Variants in LRMDA observed in about 807,000 individuals in gnomAD.
The protein encoded by LRMDA is leucine rich melanocyte differentiation associated.
LRMDA carries 18 observed loss-of-function variants against 29.8 expected under a neutral mutation model. The ratio of observed to expected loss-of-function variants is 0.60; its 90% CI spans 0.42 to 0.90. The LOEUF (loss-of-function observed/expected upper bound fraction) is 0.90, where lower values mean the gene tolerates loss of function less well. Among genes scored for constraint, LRMDA ranks in the 40% least tolerant of loss-of-function variants. LRMDA has a pLI of 0.00. For missense variants in LRMDA, 273 were observed against 273.9 expected, an observed-to-expected ratio of 1.00 and a Z score of 0.02; for synonymous variants, 125 against 109.4, an observed-to-expected ratio of 1.14 and a Z score of -0.89.
intron 2 of LRMDA, among the ~76,000 whole-genome samples, chr10:76,001,371 A>G (rs1188160503): frequency 6.6e-6 from 1 of 152,218 alleles, no homozygotes; most frequent in Admixed American, 6.5e-5. Context: ...TAGAAGCCCC[A>G]TCACACAGCG....
In LRMDA at chr10:75,695,400, T is replaced by G. The variant is rs117772230; in HGVS notation, c.131+256906T>G. Among the ~76,000 whole-genome samples the G allele has an allele frequency of 5.9e-3, 899 of 152,278 alleles. 43 individuals are homozygous for G. Among genetic ancestry groups the G allele is most frequent in the Admixed American group, 0.045 (684 of 15,296 alleles). On this transcript the variant is annotated intron_variant, in intron 2 of 6. Transcript: ENST00000611255. The stretch of plus-strand genomic sequence containing the variant: ...TTGTAGATTAAAAAAAACTAGTTTT[T>G]TTTTTGCTTCTTAAATCTCATATGC...
At chr10:76,481,593 A>C (rs1044138834) in intron 6 of LRMDA, among the ~76,000 whole-genome samples, 2 of 151,886 alleles carry the variant, frequency 1.3e-5, no homozygotes, top group African/African-American at 4.8e-5. Context: ...TGGTCTAACT[A>C]ATTGGGCAAA....
intron 2 of LRMDA, among the ~76,000 whole-genome samples, chr10:75,482,076 T>C (rs1844861527): frequency 1.3e-5 from 2 of 152,222 alleles, no homozygotes; most frequent in South Asian, 4.1e-4. Flanking sequence ...TCTCCCTCCC[T>C]GTATCTGTGC....
intron 2 of LRMDA, among the ~76,000 whole-genome samples, chr10:75,537,854 T>A (rs1839968919): frequency 6.6e-6 from 1 of 152,228 alleles, no homozygotes; most frequent in African/African-American, 2.4e-5. Flanking sequence ...GCTTTGTGCT[T>A]GTCCTGTGTG....
chr10:76,181,400 A>G (rs1339720799), intron 5 of LRMDA, among the ~76,000 whole-genome samples: 1 of 152,192 alleles, frequency 6.6e-6, no homozygotes, highest in East Asian at 1.9e-4. Flanking sequence ...TGAAGGTACC[A>G]ACCATGTTTG....
chr10:75,635,211 A>G (rs534149430), intron 2 of LRMDA, among the ~76,000 whole-genome samples: 1 of 152,156 alleles, frequency 6.6e-6, no homozygotes, highest in South Asian at 2.1e-4. Context: ...TAATTGATAA[A>G]TGACAGGCTG....
chr10:76,416,262 A>G (rs935213914), intron 6 of LRMDA, among the ~76,000 whole-genome samples: 18 of 152,144 alleles, frequency 1.2e-4, no homozygotes, highest in Non-Finnish European at 2.5e-4. Context: ...CTGTGGAGGG[A>G]AATGGAGTGC....
intron 2 of LRMDA, among the ~76,000 whole-genome samples, chr10:75,897,763 C>CT (rs1216160872): frequency 6.8e-6 from 1 of 147,624 alleles, no homozygotes; most frequent in Non-Finnish European, 1.5e-5. Flanking sequence ...CTCTTCTTGG[C>CT]TTATAGGATT....
At chr10:75,440,250 G>A (rs538985383) in intron 2 of LRMDA, among the ~76,000 whole-genome samples, 1 of 147,928 alleles carries the variant, frequency 6.8e-6, no homozygotes, top group African/African-American at 2.5e-5. Context: ...ATTTCGTAAG[G>A]GGGTGGCTGA....
chr10:76,023,208 A>G (rs1288838321), intron 2 of LRMDA, among the ~76,000 whole-genome samples: 1 of 152,102 alleles, frequency 6.6e-6, no homozygotes, highest in Admixed American at 6.6e-5. Context: ...CTCAGCCATT[A>G]TGCACATACA....
At chr10:75,432,943 T>C (rs1430425008) in intron 1 of LRMDA, among the ~76,000 whole-genome samples, 2 of 152,112 alleles carry the variant, frequency 1.3e-5, no homozygotes, top group Non-Finnish European at 2.9e-5. Context: ...CATTTAACAG[T>C]TTTGTTGCTC....
chr10:75,986,724 G>A (rs1369010768), intron 2 of LRMDA, among the ~76,000 whole-genome samples: 1 of 152,200 alleles, frequency 6.6e-6, no homozygotes, highest in East Asian at 1.9e-4. Context: ...TGTTTCCCCA[G>A]GCCTAGGCCA....
At chr10:75,769,769 G>T (rs188938590) in intron 2 of LRMDA, among the ~76,000 whole-genome samples, 1 of 152,168 alleles carries the variant, frequency 6.6e-6, no homozygotes, top group East Asian at 1.9e-4. Context: ...TTCTTGTCTT[G>T]TGTAGCCGCT....
chr10:75,711,755 A>G (rs933253088), intron 2 of LRMDA, among the ~76,000 whole-genome samples: 4 of 152,202 alleles, frequency 2.6e-5, no homozygotes, highest in Admixed American at 6.5e-5. Context: ...ATACTCAGGC[A>G]GAACACTGAA....
rs148744262 is a variant in LRMDA, at chr10:76,261,262, C to T, written c.517-63139C>T. Among the ~76,000 whole-genome samples, 1,153 of 151,480 alleles carry T rather than the reference C, an allele frequency of 7.6e-3. 31 individuals carry two copies. Among genetic ancestry groups the T allele is most frequent in the East Asian group, 0.062 (317 of 5,112 alleles). ...TTTTTTCTGTATTTTTTAGTAGAGA[C>T]GGGGTTTCACCATATTAGCCAGAAT... is the stretch of plus-strand genomic sequence containing the variant. On this transcript the variant is annotated intron_variant, in intron 5 of 6. Coordinates refer to ENST00000611255, the MANE Select transcript of LRMDA (RefSeq NM_001305581.2).
In LRMDA at chr10:76,557,519, C is replaced by A. The variant is rs1843573868; in HGVS notation, c.*231C>A. Reference sequence around the variant, plus strand: ...TTGACATGATTGCCCTTAAGCAGGTCTCATCCACCAGGGTGACAGACAGCG... The same window carrying A: ...TTGACATGATTGCCCTTAAGCAGGTATCATCCACCAGGGTGACAGACAGCG... On this transcript the variant is annotated 3_prime_UTR_variant, in exon 7 of 7. Transcript: ENST00000611255. The A allele has an allele frequency of 1.8e-6, 1 of 568,722 alleles. No individual in the cohort carries two copies. The highest frequency in any genetic ancestry group is 2.2e-5 in the South Asian group (1 of 46,096). The allele number at this position is 568,722 out of a possible 1,614,324, so 35.2% of individuals were successfully genotyped here.
chr10:76,085,869 T>G (rs1449072197), intron 5 of LRMDA, among the ~76,000 whole-genome samples: 1 of 152,152 alleles, frequency 6.6e-6, no homozygotes, highest in Admixed American at 6.5e-5. Context: ...CATGAAGGAT[T>G]TCACCTGCAG....
chr10:76,237,662 C>A (rs1852177216), intron 5 of LRMDA, among the ~76,000 whole-genome samples: 1 of 152,046 alleles, frequency 6.6e-6, no homozygotes, highest in African/African-American at 2.4e-5. Context: ...CAGTTGTTGG[C>A]AATTCCTGCT....
intron 2 of LRMDA, among the ~76,000 whole-genome samples, chr10:75,997,465 C>T (rs1338819427): frequency 7.2e-5 from 10 of 138,032 alleles, no homozygotes; most frequent in African/African-American, 2.7e-4. Flanking sequence ...GGACATACAT[C>T]TATTTTTTTT....
Sources: allele counts gnomAD v4.1 joint callset (sites outside exome capture counted in the v4.1 genomes callset), GRCh38; gene constraint gnomAD v4.1.1; transcripts MANE v1.5; gene names NCBI Gene and HGNC (gene_info 2026-07-23, HGNC 2026-07-21).